The following ECM2 variants were observed in gnomAD, a reference collection of about 807,000 sequenced individuals.
ECM2 encodes the protein extracellular matrix protein 2, also known as extracellular matrix protein 2, female organ and adipocyte specific.
In ECM2, 57 loss-of-function variants were observed where a neutral mutation model predicts 67.5. That is an observed-to-expected ratio of 0.84 (90% CI 0.68 to 1.05). The LOEUF (loss-of-function observed/expected upper bound fraction) is 1.05, where lower values mean the gene tolerates loss of function less well. Ranked by LOEUF, ECM2 falls within the 50% of genes least tolerant of loss-of-function variation. The probability of loss-of-function intolerance (pLI) is 0.00; values close to 1 mark genes in which losing one functional copy is unlikely to be tolerated. For synonymous variants in ECM2, 258 were observed against 294.5 expected (o/e 0.88, Z 1.27); for missense variants, 741 against 822.8 (o/e 0.90, Z 1.22).
intron 9 of ECM2, among the ~76,000 whole-genome samples, chr9:92,497,317 C>T (rs986617745): frequency 6.6e-6 from 1 of 152,050 alleles, no homozygotes; most frequent in Non-Finnish European, 1.5e-5. Flanking sequence ...GAGTGATATA[C>T]TGATACTTTT....
chr9:92,514,576 C>G, intron 4 of ECM2, 55 bp downstream of exon 4: 1 of 1,524,476 alleles, frequency 6.6e-7, no homozygotes, highest in Non-Finnish European at 8.8e-7. Flanking sequence ...TGCCCAGCTG[C>G]TAAGAGTCAT....
At chr9:92,537,827 T>C (rs1849224420), upstream of ECM2, among the ~76,000 whole-genome samples, 1 of 152,226 alleles carries the variant, frequency 6.6e-6, no homozygotes, top group African/African-American at 2.4e-5. Flanking sequence ...GGTTATTTTT[T>C]CACTACCATA....
intron 3 of ECM2, among the ~76,000 whole-genome samples, chr9:92,516,393 T>TA (rs1847724222): frequency 6.6e-6 from 1 of 152,180 alleles, no homozygotes. Flanking sequence ...CATCAAGATT[T>TA]AAAAATTTAC....
chr9:92,553,887 C>T, the ECM2 span, among the ~76,000 whole-genome samples: 4 of 152,258 alleles, frequency 2.6e-5, no homozygotes, highest in Non-Finnish European at 2.9e-5. Context: ...TTTCTCTTTA[C>T]TGATTTGGAT....
At chr9:92,546,784 G>A in the ECM2 span, among the ~76,000 whole-genome samples, 2 of 152,078 alleles carry the variant, frequency 1.3e-5, no homozygotes, top group Admixed American at 6.6e-5. Context: ...TAGATTACAT[G>A]AATAATTTCT....
At chr9:92,498,249 A>G (rs895973848) in intron 9 of ECM2, among the ~76,000 whole-genome samples, 61 of 152,300 alleles carry the variant, frequency 4.0e-4, no homozygotes, top group African/African-American at 1.3e-3. Flanking sequence ...AGGATAAACT[A>G]GAAATTTAAA....
At position 92,500,838 on chromosome 9, in the gene ECM2, T is replaced by C; in HGVS notation, c.1820A>G (p.Tyr607Cys). 6.2e-7 allele frequency: 1 copy of C among 1,614,218 alleles called. No individual in the cohort carries two copies. Among genetic ancestry groups the C allele is most frequent in the Non-Finnish European group, 8.5e-7 (1 of 1,180,024 alleles). The change falls in exon 9 of 10, where the codon TAT becomes TGT. Residue 607 changes from tyrosine to cysteine, a missense_variant. Coordinates refer to ENST00000344604, the MANE Select transcript of ECM2 (RefSeq NM_001393.4). ...CAGAAATAATTCTCTCAGAGAATGA[T>C]ATGCCCCATAGAAGGAGACACGGTC... is the stretch of plus-strand genomic sequence containing the variant. ...GMDRVSFYGA[Y>C]HSLRELFLDH...
intron 4 of ECM2, 85 bp from the exon 5 acceptor site, chr9:92,512,211 AAG>A (rs1847394109): frequency 3.8e-6 from 3 of 784,104 alleles, no homozygotes; most frequent in Non-Finnish European, 6.2e-6. Flanking sequence ...CATAGATATC[AAG>A]AGAGAGCTTT....
At chr9:92,548,255 T>G in the ECM2 span, among the ~76,000 whole-genome samples, 1 of 152,310 alleles carries the variant, frequency 6.6e-6, no homozygotes, top group African/African-American at 2.4e-5. Context: ...AAAGCTCTCT[T>G]GCTGGTACTT....
chr9:92,552,777 C>T, the ECM2 span, among the ~76,000 whole-genome samples: 6 of 152,096 alleles, frequency 3.9e-5, no homozygotes, highest in African/African-American at 1.4e-4. Flanking sequence ...AGGATTTTCT[C>T]CCACTCTGTG....
At position 92,496,103 on chromosome 9, in the gene ECM2, C is replaced by A. The variant is rs1846331323; in HGVS notation, c.*212G>T. 2 of 1,182,048 alleles carry A rather than the reference C, an allele frequency of 1.7e-6. No individual in the cohort carries two copies. The allele number at this position is 1,182,048 out of a possible 1,614,324, so 73.2% of individuals were successfully genotyped here. On this transcript the variant is annotated 3_prime_UTR_variant, in exon 10 of 10. Coordinates refer to ENST00000344604, the MANE Select transcript of ECM2 (RefSeq NM_001393.4). ...ATGGCCTCTTTCTAGAGGTAGGAAA[C>A]TGAGAGATTTTACCTTTACTATTAA...
At chr9:92,542,576 G>T in the ECM2 span, among the ~76,000 whole-genome samples, 2 of 151,752 alleles carry the variant, frequency 1.3e-5, no homozygotes, top group South Asian at 2.1e-4. Flanking sequence ...TAGTGCAGTG[G>T]CACGATCATG....
rs1848137389 is a variant in ECM2 at position 92,522,517 on chromosome 9, C to G, written c.292+58G>C. Reference sequence around the variant, plus strand: ...TCTCTCCCTCTCTCCTTCTCTTTCCCCATACCATCTCTCACCCTCCTCCCT... The same window carrying G: ...TCTCTCCCTCTCTCCTTCTCTTTCCGCATACCATCTCTCACCCTCCTCCCT... On this transcript the variant is annotated intron_variant, in intron 2 of 9. Transcript: ENST00000344604. The G allele has an allele frequency of 3.4e-6, 5 of 1,453,604 alleles. No individual in the cohort carries two copies. The Admixed American group carries it at 9.7e-5, about 28-fold the overall frequency. 90.0% of individuals were successfully genotyped at this position (1,453,604 alleles called of 1,614,324 possible).
chr9:92,558,917 A>G, the ECM2 span, among the ~76,000 whole-genome samples: 2 of 152,016 alleles, frequency 1.3e-5, no homozygotes, highest in South Asian at 2.1e-4. Context: ...AGTTGGGGAA[A>G]GCCGGCAGTC....
At chr9:92,535,466 A>G (rs1047028041) in intron 1 of ECM2, among the ~76,000 whole-genome samples, 1 of 152,164 alleles carries the variant, frequency 6.6e-6, no homozygotes, top group Non-Finnish European at 1.5e-5. Context: ...AATATTATTT[A>G]TAAACCTTGA....
chr9:92,508,346 C>T (rs1208055202), intron 6 of ECM2, among the ~76,000 whole-genome samples: 1 of 152,236 alleles, frequency 6.6e-6, no homozygotes, highest in Non-Finnish European at 1.5e-5. Context: ...CTAAGAAAGG[C>T]AGGCAGACAG....
In ECM2 at chr9:92,516,788, A is replaced by T. The variant is rs145684366; in HGVS notation, c.481+899T>A. 441 of 152,316 alleles carry T rather than the reference A, an allele frequency of 2.9e-3. 2 individuals are homozygous for T. Among genetic ancestry groups the T allele is most frequent in the African/African-American group, 0.01 (420 of 41,566 alleles). 9.4% of individuals were successfully genotyped at this position (152,316 alleles called of 1,614,324 possible). On this transcript the variant is annotated intron_variant, in intron 3 of 9. Coordinates refer to ENST00000344604, the MANE Select transcript of ECM2 (RefSeq NM_001393.4). ...ACACTTTTTTCCTAACTCTTTTTAA[A>T]TATTAGTGAAATATTTGGTAGTATA... is the stretch of plus-strand genomic sequence containing the variant.
At chr9:92,502,478 A>T (rs1212570210) in intron 8 of ECM2, 35 bp downstream of exon 8, 1 of 1,603,994 alleles carries the variant, frequency 6.2e-7, no homozygotes, top group Non-Finnish European at 8.5e-7. Context: ...AGGAAGAAAT[A>T]GTTCAATAAA....
chr9:92,558,397 G>A, the ECM2 span, among the ~76,000 whole-genome samples: 1 of 152,168 alleles, frequency 6.6e-6, no homozygotes, highest in Admixed American at 6.5e-5. Context: ...AAACTACAGT[G>A]ATTATTGTCT....
Sources: gnomAD v4.1 joint callset for allele counts (sites outside exome capture counted in the v4.1 genomes callset) on GRCh38, gnomAD v4.1.1 for gene constraint, MANE v1.5 for transcripts, NCBI Gene and HGNC (gene_info 2026-07-23, HGNC 2026-07-21) for gene names.